ASAP2: variants seen among roughly 807,000 people sequenced by gnomAD.
ASAP2 encodes ArfGAP with SH3 domain, ankyrin repeat and PH domain 2.
A neutral mutation model predicts 131.4 loss-of-function variants in ASAP2; 45 were observed. The ratio of observed to expected loss-of-function variants is 0.34; its 90% confidence interval spans 0.27 to 0.44. The LOEUF (loss-of-function observed/expected upper bound fraction) is 0.44. Ranked by LOEUF, ASAP2 falls within the 20% of genes least tolerant of loss-of-function variation. The probability of loss-of-function intolerance (pLI) is 1.00; values close to 1 mark genes in which losing one functional copy is unlikely to be tolerated. For synonymous variants in ASAP2, 510 were observed against 503.0 expected (o/e 1.01, Z -0.19); for missense variants, 1,011 against 1,297.0 (o/e 0.78, Z 3.39).
At chr2:9,218,589 T>C (rs2147968258) in intron 1 of ASAP2, among the ~76,000 whole-genome samples, 1 of 152,302 alleles carries the variant, frequency 6.6e-6, no homozygotes, top group South Asian at 2.1e-4. Flanking sequence ...GGGAGAATGT[T>C]GAGGCCTTGT....
At chr2:9,290,290 A>G (rs144599168) in intron 2 of ASAP2, among the ~76,000 whole-genome samples, 13 of 152,156 alleles carry the variant, frequency 8.5e-5, no homozygotes, top group South Asian at 6.2e-4. Flanking sequence ...GCTCACTGCA[A>G]CCTCTGCCTC....
In ASAP2 at chr2:9,235,681, GGCTGACA is replaced by G. The variant is rs1203087959; in HGVS notation, c.126+28457_126+28463del. Among the ~76,000 whole-genome samples the G allele has an allele frequency of 7.9e-5, 12 of 152,294 alleles. 1 individual carries two copies. Among genetic ancestry groups the G allele is most frequent in the Admixed American group, 3.9e-4 (6 of 15,302 alleles). ...CAGACCACGTCTCGGGGCCAGGAGTGGCTGACAGCTGAGGTGTCGGGCTGGGTAGGGC... is the reference window on the plus strand; with the variant it reads ...CAGACCACGTCTCGGGGCCAGGAGTGGCTGAGGTGTCGGGCTGGGTAGGGC... On this transcript the variant is annotated intron_variant, in intron 1 of 27. Transcript: ENST00000281419.
chr2:9,267,981 C>T (rs1278184393), intron 1 of ASAP2, among the ~76,000 whole-genome samples: 1 of 151,978 alleles, frequency 6.6e-6, no homozygotes, highest in Non-Finnish European at 1.5e-5. Context: ...AGGCCTGTCC[C>T]ATCGTAACGC....
At chr2:9,403,092 C>T (rs11674625) in intron 27 of ASAP2, among the ~76,000 whole-genome samples, 161 bp from the exon 28 acceptor site, 9 of 152,060 alleles carry the variant, frequency 5.9e-5, no homozygotes, top group South Asian at 2.1e-4. Context: ...TGAGGAAAAA[C>T]GGACAAAAAT....
chr2:9,307,372 A>T (rs1369959704), intron 3 of ASAP2, among the ~76,000 whole-genome samples: 1 of 152,242 alleles, frequency 6.6e-6, no homozygotes. Context: ...CAGGTGCCCC[A>T]GGTCCTGTGG....
At chr2:9,224,691 A>G (rs1662646741) in intron 1 of ASAP2, among the ~76,000 whole-genome samples, 1 of 152,180 alleles carries the variant, frequency 6.6e-6, no homozygotes, top group African/African-American at 2.4e-5. Flanking sequence ...AACACTCCTC[A>G]TTTATCAGAA....
At chr2:9,274,102 A>C (rs1666589180) in intron 1 of ASAP2, among the ~76,000 whole-genome samples, 1 of 152,116 alleles carries the variant, frequency 6.6e-6, no homozygotes, top group Non-Finnish European at 1.5e-5. Flanking sequence ...CTCAGTTATA[A>C]TTTTTGCAAA....
intron 4 of ASAP2, 119 bp from the exon 5 acceptor site, chr2:9,320,169 C>G (rs998732870): frequency 7.4e-6 from 6 of 805,702 alleles, no homozygotes; most frequent in African/African-American, 7.0e-5. Context: ...CGTGGGATTA[C>G]ATACGTCATT....
chr2:9,295,549 G>A (rs1668099274), intron 2 of ASAP2, among the ~76,000 whole-genome samples: 2 of 152,182 alleles, frequency 1.3e-5, no homozygotes, highest in African/African-American at 4.8e-5. Context: ...GACGCCGCAG[G>A]CCCAGCGTCA....
intron 7 of ASAP2, among the ~76,000 whole-genome samples, chr2:9,330,803 T>C (rs1325655513): frequency 6.6e-6 from 1 of 152,140 alleles, no homozygotes; most frequent in Non-Finnish European, 1.5e-5. Context: ...AACCAGTCAG[T>C]TGGGTAGCAA....
chr2:9,383,765 A>C (rs1417610114), intron 20 of ASAP2, among the ~76,000 whole-genome samples: 6 of 152,130 alleles, frequency 3.9e-5, no homozygotes, highest in African/African-American at 1.4e-4. Flanking sequence ...AACCAACCCA[A>C]ATGTCTGTCA....
rs1169048659 is a variant in ASAP2, at chr2:9,399,967, G to A, written c.2685-56G>A. ...AAGGTTCTCTGATAAAAGGGGATGAGAAAGGGGCAGGTGCCCTCCGGTAGC... is the reference window on the plus strand; with the variant it reads ...AAGGTTCTCTGATAAAAGGGGATGAAAAAGGGGCAGGTGCCCTCCGGTAGC... On this transcript the variant is annotated intron_variant, in intron 24 of 27. Coordinates refer to ENST00000281419, the MANE Select transcript of ASAP2 (RefSeq NM_003887.3). The A allele has an allele frequency of 5.8e-6, 9 of 1,564,652 alleles. 1 individual carries two copies. The East Asian group carries it at 1.6e-4, about 27-fold the overall frequency.
intron 1 of ASAP2, among the ~76,000 whole-genome samples, chr2:9,260,274 C>T (rs544642474): frequency 6.6e-5 from 10 of 152,338 alleles, no homozygotes; most frequent in African/African-American, 9.6e-5. Flanking sequence ...CAGTGACTCC[C>T]GCAGTAAGCC....
intron 1 of ASAP2, among the ~76,000 whole-genome samples, chr2:9,213,620 G>T (rs1417982352): frequency 2.0e-5 from 3 of 152,240 alleles, no homozygotes; most frequent in South Asian, 2.1e-4. Context: ...GTAGCAGGGG[G>T]GGTGGTGGTA....
intron 1 of ASAP2, among the ~76,000 whole-genome samples, chr2:9,271,004 A>G (rs1189583151): frequency 3.0e-4 from 46 of 151,598 alleles, no homozygotes; most frequent in East Asian, 5.8e-4. Flanking sequence ...CGTGTTAGCC[A>G]GGATAGTCTC....
chr2:9,390,963 G>T, intron 22 of ASAP2, 99 bp from the exon 23 acceptor site: 1 of 1,576,790 alleles, frequency 6.3e-7, no homozygotes, highest in Non-Finnish European at 8.7e-7. Flanking sequence ...CGTTTCATAA[G>T]GGGGAGGATC....
chr2:9,400,274 T>TGCC (rs1275630534), intron 25 of ASAP2, among the ~76,000 whole-genome samples: 1,227 of 42,864 alleles, frequency 0.029, 11 homozygotes, highest in Non-Finnish European at 0.037. Context: ...CTTCCTCTCC[T>TGCC]TCCTTCCCTC....
chr2:9,327,485 C>T (rs1045857333), intron 6 of ASAP2, among the ~76,000 whole-genome samples: 1 of 152,092 alleles, frequency 6.6e-6, no homozygotes, highest in Admixed American at 6.5e-5. Context: ...GGACCTTGGG[C>T]AGGAGTGTGT....
chr2:9,240,898 T>C (rs938807257), intron 1 of ASAP2, among the ~76,000 whole-genome samples: 1 of 152,210 alleles, frequency 6.6e-6, no homozygotes, highest in African/African-American at 2.4e-5. Context: ...AATCATCTCA[T>C]AACCTAGGCA....
Sources: gnomAD v4.1 joint callset for allele counts (sites outside exome capture counted in the v4.1 genomes callset) on GRCh38, gnomAD v4.1.1 for gene constraint, MANE v1.5 for transcripts, NCBI Gene and HGNC (gene_info 2026-07-23, HGNC 2026-07-21) for gene names.